ARL6IP4: variants seen among roughly 807,000 people sequenced by gnomAD.
The protein encoded by ARL6IP4 is ADP-ribosylation factor-like protein 6-interacting protein 4.
Under a neutral mutation model 28.1 loss-of-function variants are expected in ARL6IP4, and 24 were observed. That is an observed-to-expected ratio of 0.86 (90% confidence interval 0.62 to 1.20). The LOEUF (loss-of-function observed/expected upper bound fraction) is 1.20, where lower values mean the gene tolerates loss of function less well. ARL6IP4 is among the 50% of genes most tolerant of loss of function. The pLI is 0.00. For synonymous variants in ARL6IP4, 162 were observed against 122.3 expected (o/e 1.32, Z -2.14); for missense variants, 343 against 302.4 (o/e 1.13, Z -1.00).
rs767729985 is a variant in ARL6IP4, at chr12:122,982,093, G to C, written c.587+19G>C. On this transcript the variant is annotated intron_variant, in intron 4 of 5. Coordinates refer to ENST00000315580, the MANE Select transcript of ARL6IP4 (RefSeq NM_018694.4). ...GCACCAGGTGGGGAGCTTTCGGCCT[G>C]ACTTACACCACAGGATCTGGGAGTG... 3.1e-6 allele frequency: 5 copies of C among 1,608,680 alleles called. No individual in the cohort carries two copies. The East Asian group carries it at 6.7e-5, about 22-fold the overall frequency.
At chr12:122,980,640 C>T (rs1555282313), upstream of ARL6IP4, 3 of 1,399,360 alleles carry the variant, frequency 2.1e-6, no homozygotes, top group Non-Finnish European at 1.9e-6. Flanking sequence ...CGCCGCGCTT[C>T]CCAGCCGGCC....
intron 4 of ARL6IP4, 160 bp from the exon 5 acceptor site, chr12:122,982,309 C>A: frequency 1.2e-6 from 1 of 847,768 alleles, no homozygotes; most frequent in Non-Finnish European, 1.9e-6. Context: ...CCCAGCTCCA[C>A]TGCCTTCATC....
chr12:122,982,565 C>G (rs762283391), intron 5 of ARL6IP4, 27 bp downstream of exon 5: 6 of 1,614,082 alleles, frequency 3.7e-6, no homozygotes, highest in Non-Finnish European at 5.1e-6. Context: ...TGCCTGCCAT[C>G]CGCCCCCAGC....
rs1360074677 is a variant in ARL6IP4 at position 122,982,077 on chromosome 12, G to A, written c.587+3G>A. 1.2e-6 allele frequency: 2 copies of A among 1,613,174 alleles called. No individual in the cohort carries two copies. The highest frequency in any genetic ancestry group is 1.7e-6 in the Non-Finnish European group (2 of 1,179,818). On this transcript the variant is annotated splice_donor_region_variant and intron_variant, in intron 4 of 5. Transcript: ENST00000315580. ...GACCCTGAGACGGGGCGCACCAGGT[G>A]GGGAGCTTTCGGCCTGACTTACACC...
chr12:122,981,095 G>T (rs999129563), intron 1 of ARL6IP4, 34 bp from the exon 2 acceptor site: 11 of 1,540,888 alleles, frequency 7.1e-6, no homozygotes, highest in Admixed American at 2.0e-5. Context: ...CGGCCTTGGG[G>T]GCTTCGGCTC....
In ARL6IP4 at chr12:122,980,709, G is replaced by T. The variant is rs1424956272; in HGVS notation, c.-48G>T. The T allele has an allele frequency of 2.3e-6, 3 of 1,329,716 alleles. No individual in the cohort carries two copies. Among genetic ancestry groups the T allele is most frequent in the Non-Finnish European group, 1.9e-6 (2 of 1,044,588 alleles). 82.4% of individuals were successfully genotyped at this position (1,329,716 alleles called of 1,614,324 possible). A position where few individuals can be genotyped will look rare whatever the true frequency, so the allele number is the denominator to read the frequency against. On this transcript the variant is annotated 5_prime_UTR_variant, in exon 1 of 6. Coordinates refer to ENST00000315580, the MANE Select transcript of ARL6IP4 (RefSeq NM_018694.4). Reference sequence around the variant, plus strand: ...CTCGCCGCCGCTTCCTCTCGAGAAGGCGCGGGGCGGGCTGTCCGGCCCGCA... The same window carrying T: ...CTCGCCGCCGCTTCCTCTCGAGAAGTCGCGGGGCGGGCTGTCCGGCCCGCA...
chr12:122,980,708 G>A lies in ARL6IP4; in HGVS notation c.-49G>A. 1 of 1,329,738 alleles carries A rather than the reference G, an allele frequency of 7.5e-7. No homozygotes were observed. The highest frequency in any genetic ancestry group is 9.6e-7 in the Non-Finnish European group (1 of 1,044,550). 82.4% of individuals were successfully genotyped at this position (1,329,738 alleles called of 1,614,324 possible). ...CCTCGCCGCCGCTTCCTCTCGAGAA[G>A]GCGCGGGGCGGGCTGTCCGGCCCGC... On this transcript the variant is annotated 5_prime_UTR_variant, in exon 1 of 6. Coordinates refer to ENST00000315580, the MANE Select transcript of ARL6IP4 (RefSeq NM_018694.4).
chr12:122,981,241 G>C lies in ARL6IP4; in HGVS notation c.102G>C (p.Arg34Ser). The C allele has an allele frequency of 6.5e-7, 1 of 1,550,022 alleles. No homozygotes were observed. Among genetic ancestry groups the C allele is most frequent in the South Asian group, 1.2e-5 (1 of 83,986 alleles). ...RKKKSRKDTS[R>S]NCSASTSQGR... ...AGAAGAGCAGGAAAGACACCTCGAG[G>C]AACTGCTCGGCCTCCACATCCCAAG... The change falls in exon 2 of 6, where the codon AGG becomes AGC. Residue 34 changes from arginine to serine, a missense_variant. Arg to Ser is a moderately radical substitution (Grantham distance 110, BLOSUM62 -1). Coordinates refer to ENST00000315580, the MANE Select transcript of ARL6IP4 (RefSeq NM_018694.4).
chr12:122,980,778 A>G, intron 1 of ARL6IP4, 33 bp downstream of exon 1: 2 of 1,302,836 alleles, frequency 1.5e-6, no homozygotes, highest in Non-Finnish European at 1.9e-6. Context: ...GGCCCCCTTG[A>G]GGCGGCGAGG....
intron 4 of ARL6IP4, 44 bp from the exon 5 acceptor site, chr12:122,982,425 G>A (rs1021791180): frequency 5.8e-6 from 9 of 1,552,756 alleles, no homozygotes; most frequent in African/African-American, 2.7e-5. Context: ...TGGCATTAGG[G>A]GACCTGCCTA....
Position 122,982,472 on chromosome 12 carries a change from T to C in ARL6IP4, c.591T>C (p.Leu197=), listed in dbSNP as rs377232423. ...VVDPETGRTR[L]IKGDGEVLEE... ...ACGGAGACCCTCCCACCCCCAGGCT[T>C]ATTAAGGGAGATGGCGAGGTCCTAG... Residue 197 remains leucine, a synonymous_variant, in exon 5 of 6, where the codon CTT becomes CTC. Coordinates refer to ENST00000315580, the MANE Select transcript of ARL6IP4 (RefSeq NM_018694.4). 504 of 1,613,024 alleles carry C rather than the reference T, an allele frequency of 3.1e-4. No homozygotes were observed. The highest frequency in any genetic ancestry group is 3.9e-4 in the Non-Finnish European group (463 of 1,179,556).
Position 122,982,543 on chromosome 12 carries a change from G to T in ARL6IP4, c.657+5G>T. 3 of 1,614,150 alleles carry T rather than the reference G, an allele frequency of 1.9e-6. No homozygotes were observed. The highest frequency in any genetic ancestry group is 2.5e-6 in the Non-Finnish European group (3 of 1,180,010). ...CGACACAGAGAGATCAACAAGGTGGGTGTGGCCCCTCTGCCTGCCATCCGC... is the reference window on the plus strand; with the variant it reads ...CGACACAGAGAGATCAACAAGGTGGTTGTGGCCCCTCTGCCTGCCATCCGC... On this transcript the variant is annotated splice_donor_5th_base_variant and intron_variant, in intron 5 of 5. Transcript: ENST00000315580.
chr12:122,982,575 C>T, intron 5 of ARL6IP4, 37 bp downstream of exon 5: 1 of 1,614,168 alleles, frequency 6.2e-7, no homozygotes. Context: ...CCGCCCCCAG[C>T]TCTGTTTGTG....
intron 1 of ARL6IP4, 154 bp from the exon 2 acceptor site, chr12:122,980,975 C>T: frequency 7.2e-7 from 1 of 1,386,884 alleles, no homozygotes; most frequent in Non-Finnish European, 9.3e-7. Flanking sequence ...AACCGGGGTC[C>T]CCAGCGCTGG....
At chr12:122,980,277 G>T, upstream of ARL6IP4, 2 of 1,253,634 alleles carry the variant, frequency 1.6e-6, no homozygotes, top group Non-Finnish European at 2.0e-6. Context: ...CCATGCCCGC[G>T]CTCACTGCCA....
intron 4 of ARL6IP4, 95 bp from the exon 5 acceptor site, chr12:122,982,374 C>A: frequency 6.4e-6 from 8 of 1,250,190 alleles, no homozygotes; most frequent in South Asian, 1.4e-5. Flanking sequence ...GGGGTGGGAG[C>A]CCTGGGACCC....
At chr12:122,980,376 G>T (rs756334602), upstream of ARL6IP4, 4 of 1,325,230 alleles carry the variant, frequency 3.0e-6, no homozygotes, top group East Asian at 1.1e-4. Flanking sequence ...TCAGTCTGGA[G>T]CTCGCAGTCG....
upstream of ARL6IP4, chr12:122,980,274 C>T: frequency 3.2e-6 from 4 of 1,251,478 alleles, no homozygotes; most frequent in Non-Finnish European, 4.0e-6. Flanking sequence ...GGTCCATGCC[C>T]GCGCTCACTG....
At position 122,982,825 on chromosome 12, in the gene ARL6IP4, G is replaced by T; in HGVS notation, c.*149G>T. The T allele has an allele frequency of 1.2e-6, 1 of 832,842 alleles. No individual in the cohort carries two copies. The highest frequency in any genetic ancestry group is 1.6e-5 in the South Asian group (1 of 61,266). The allele number at this position is 832,842 out of a possible 1,614,324, so 51.6% of individuals were successfully genotyped here. On this transcript the variant is annotated 3_prime_UTR_variant, in exon 6 of 6. Coordinates refer to ENST00000315580, the MANE Select transcript of ARL6IP4 (RefSeq NM_018694.4). Reference sequence around the variant, plus strand: ...GCCCAGTCTCTTCTCAGGGGCAGGGGGTGGAGGTTGGGGTCACCGGCCTGC... The same window carrying T: ...GCCCAGTCTCTTCTCAGGGGCAGGGTGTGGAGGTTGGGGTCACCGGCCTGC...
Sources: gnomAD v4.1 joint callset for allele counts on GRCh38, gnomAD v4.1.1 for gene constraint, MANE v1.5 for transcripts, NCBI Gene and HGNC (gene_info 2026-07-23, HGNC 2026-07-21) for gene names.